SORCS3: variants seen among roughly 807,000 people sequenced by gnomAD.
The protein encoded by SORCS3 is sortilin related VPS10 domain containing receptor 3, also known as VPS10 domain-containing receptor SorCS3.
In SORCS3, 57 loss-of-function variants were observed where a neutral mutation model predicts 146.3. That is an observed-to-expected ratio of 0.39 (90% CI 0.31 to 0.49). SORCS3 has a LOEUF of 0.49. Among genes scored for constraint, SORCS3 ranks in the 20% least tolerant of loss-of-function variants. SORCS3 has a pLI of 0.92. For synonymous variants in SORCS3, 653 were observed against 618.5 expected, an observed-to-expected ratio of 1.06 and a Z score of -0.83; for missense variants, 1,341 against 1,575.5, an observed-to-expected ratio of 0.85 and a Z score of 2.52.
At chr10:104,711,552 C>T (rs1047740930) in intron 1 of SORCS3, among the ~76,000 whole-genome samples, 5 of 152,204 alleles carry the variant, frequency 3.3e-5, no homozygotes, top group African/African-American at 1.2e-4. Context: ...CTCTGTTAAG[C>T]TACCCTTCCT....
intron 14 of SORCS3, among the ~76,000 whole-genome samples, chr10:105,197,583 G>T (rs1218578528): frequency 1.3e-5 from 2 of 152,120 alleles, no homozygotes; most frequent in African/African-American, 4.8e-5. Flanking sequence ...TTCTGTTAAT[G>T]CATTTCAAGA....
chr10:104,722,218 TG>T (rs559893462), intron 1 of SORCS3, among the ~76,000 whole-genome samples: 18 of 152,214 alleles, frequency 1.2e-4, no homozygotes, highest in Non-Finnish European at 2.5e-4. Context: ...AGGCCTTTTC[TG>T]CATCTATTGA....
intron 4 of SORCS3, among the ~76,000 whole-genome samples, chr10:104,977,887 A>G (rs1172567567): frequency 6.6e-6 from 1 of 151,684 alleles, no homozygotes; most frequent in Non-Finnish European, 1.5e-5. Flanking sequence ...GCCCACCGCC[A>G]TGCCCAGCTA....
At chr10:105,140,029 A>T (rs1259782964) in intron 8 of SORCS3, among the ~76,000 whole-genome samples, 1 of 152,224 alleles carries the variant, frequency 6.6e-6, no homozygotes, top group African/African-American at 2.4e-5. Flanking sequence ...TTGAAAAATC[A>T]TAAAACTTAC....
chr10:104,812,890 G>A (rs554782829), intron 1 of SORCS3, among the ~76,000 whole-genome samples: 2 of 152,192 alleles, frequency 1.3e-5, no homozygotes, highest in South Asian at 4.1e-4. Context: ...TGCTGTGGGT[G>A]GATCATGGGT....
chr10:104,927,589 A>T (rs184453857), intron 3 of SORCS3, among the ~76,000 whole-genome samples: 1 of 152,328 alleles, frequency 6.6e-6, no homozygotes, highest in East Asian at 1.9e-4. Flanking sequence ...TTTAAAAAGA[A>T]GACAGCAAGC....
intron 14 of SORCS3, among the ~76,000 whole-genome samples, chr10:105,179,269 G>T (rs986876019): frequency 6.6e-6 from 1 of 152,044 alleles, no homozygotes; most frequent in Non-Finnish European, 1.5e-5. Context: ...CAAGTTTAAG[G>T]CCACAGCTTA....
At chr10:104,805,443 A>G (rs2017669966) in intron 1 of SORCS3, among the ~76,000 whole-genome samples, 1 of 152,224 alleles carries the variant, frequency 6.6e-6, no homozygotes, top group Admixed American at 6.5e-5. Flanking sequence ...GTTGTTTGAA[A>G]GTGGTTTTGG....
chr10:105,119,527 A>G (rs1277388522), intron 7 of SORCS3, among the ~76,000 whole-genome samples: 4 of 152,154 alleles, frequency 2.6e-5, no homozygotes, highest in Non-Finnish European at 4.4e-5. Context: ...TGGAAAAGTC[A>G]CAGACACTCA....
At chr10:105,097,318 A>G (rs554963515) in intron 6 of SORCS3, among the ~76,000 whole-genome samples, 1 of 152,358 alleles carries the variant, frequency 6.6e-6, no homozygotes, top group African/African-American at 2.4e-5. Context: ...CAGTTTGGTT[A>G]ACAACTGTGC....
chr10:104,696,166 A>ACAC (rs1564660975), intron 1 of SORCS3, among the ~76,000 whole-genome samples: 4 of 118,578 alleles, frequency 3.4e-5, no homozygotes, highest in Admixed American at 1.0e-4. Context: ...ATACACATAT[A>ACAC]ATATATAATA....
At chr10:105,135,774 T>C (rs2056054803) in intron 7 of SORCS3, among the ~76,000 whole-genome samples, 1 of 152,240 alleles carries the variant, frequency 6.6e-6, no homozygotes, top group Non-Finnish European at 1.5e-5. Context: ...TTTGCCGCTT[T>C]ATAGCAAGGA....
intron 7 of SORCS3, among the ~76,000 whole-genome samples, chr10:105,123,010 T>G (rs1483317373): frequency 6.6e-5 from 10 of 152,254 alleles, no homozygotes; most frequent in Admixed American, 5.9e-4. Flanking sequence ...AGTTTCCTTG[T>G]GGCAAAATGA....
chr10:104,895,835 T>C (rs1469806940), intron 2 of SORCS3, among the ~76,000 whole-genome samples: 1 of 152,206 alleles, frequency 6.6e-6, no homozygotes, highest in African/African-American at 2.4e-5. Context: ...TTCCTCTCAC[T>C]TTGTTTCTCT....
At chr10:104,807,507 G>T (rs1308396961) in intron 1 of SORCS3, among the ~76,000 whole-genome samples, 5 of 146,238 alleles carry the variant, frequency 3.4e-5, no homozygotes, top group South Asian at 2.3e-4. Flanking sequence ...AAAAATAGAG[G>T]TTACTAAACT....
chr10:104,849,883 T>C (rs572770798), intron 2 of SORCS3, among the ~76,000 whole-genome samples: 1 of 152,310 alleles, frequency 6.6e-6, no homozygotes, highest in East Asian at 1.9e-4. Flanking sequence ...GCATTTCTAC[T>C]TGAGAGAGAA....
intron 4 of SORCS3, among the ~76,000 whole-genome samples, chr10:105,028,689 A>G (rs2055245863): frequency 6.6e-6 from 1 of 152,212 alleles, no homozygotes; most frequent in South Asian, 2.1e-4. Flanking sequence ...AACGTCCTCC[A>G]CAGGGTGGTC....
chr10:104,877,492 A>G (rs1001877814), intron 2 of SORCS3, among the ~76,000 whole-genome samples: 2 of 152,218 alleles, frequency 1.3e-5, no homozygotes, highest in African/African-American at 2.4e-5. Flanking sequence ...TTCAATAAAT[A>G]TAATCCCTAC....
intron 1 of SORCS3, among the ~76,000 whole-genome samples, chr10:104,756,099 C>T (rs1484850508): frequency 6.6e-6 from 1 of 152,164 alleles, no homozygotes; most frequent in Non-Finnish European, 1.5e-5. Context: ...TATGTGGCTC[C>T]TCATCCATGT....
Sources: allele counts gnomAD v4.1 joint callset (sites outside exome capture counted in the v4.1 genomes callset), GRCh38; gene constraint gnomAD v4.1.1; transcripts MANE v1.5; gene names NCBI Gene and HGNC (gene_info 2026-07-23, HGNC 2026-07-21).